Variants in SUPV3L1 observed in about 807,000 individuals in gnomAD.
The protein encoded by SUPV3L1 is ATP-dependent RNA helicase SUPV3L1, mitochondrial.
In SUPV3L1, 35 loss-of-function variants were observed where a neutral mutation model predicts 70.0. That is an observed-to-expected ratio of 0.50 (90% confidence interval 0.38 to 0.66). The LOEUF is 0.66. SUPV3L1 is among the 30% of genes least tolerant of loss of function. The pLI is 0.00. For missense variants in SUPV3L1, 777 were observed against 961.5 expected, an observed-to-expected ratio of 0.81 and a Z score of 2.54; for synonymous variants, 364 against 341.9, an observed-to-expected ratio of 1.06 and a Z score of -0.71.
rs766751112 is a variant in SUPV3L1, at chr10:69,199,204, A to G, written c.1298+7A>G. On this transcript the variant is annotated splice_region_variant and intron_variant, in intron 10 of 14. Coordinates refer to ENST00000359655, the MANE Select transcript of SUPV3L1 (RefSeq NM_003171.5). Reference sequence around the variant, plus strand: ...TTGGCATGGGACTTAATTTGTAAGTAATTTGTTTTTAATAAGATGAATATT... The same window carrying G: ...TTGGCATGGGACTTAATTTGTAAGTGATTTGTTTTTAATAAGATGAATATT... 3 of 1,601,494 alleles carry G rather than the reference A, an allele frequency of 1.9e-6. No individual in the cohort carries two copies. The South Asian group carries it at 3.4e-5, about 18-fold the overall frequency.
chr10:69,191,232 A>ATTTTT (rs11434528), intron 5 of SUPV3L1, among the ~76,000 whole-genome samples: 5 of 130,162 alleles, frequency 3.8e-5, no homozygotes, highest in East Asian at 2.2e-4. Flanking sequence ...AGCATTGGGA[A>ATTTTT]TTTTTTTTTT....
intron 9 of SUPV3L1, 128 bp from the exon 10 acceptor site, chr10:69,198,976 G>C: frequency 1.5e-6 from 1 of 686,868 alleles, no homozygotes; most frequent in Non-Finnish European, 2.4e-6. Flanking sequence ...AAGAAATAAA[G>C]TTTGAAACAG....
At chr10:69,198,936 G>A (rs1289771333) in intron 9 of SUPV3L1, among the ~76,000 whole-genome samples, 168 bp from the exon 10 acceptor site, 1 of 152,140 alleles carries the variant, frequency 6.6e-6, no homozygotes, top group African/African-American at 2.4e-5. Context: ...AGGAATGGAT[G>A]TAAAGGATAA....
chr10:69,203,075 C>A, intron 13 of SUPV3L1, 32 bp downstream of exon 13: 2 of 1,570,792 alleles, frequency 1.3e-6, no homozygotes, highest in South Asian at 1.2e-5. Context: ...ATTTTGAGTT[C>A]CTTCTGGTTG....
In SUPV3L1 at chr10:69,180,750, A is replaced by G. The variant is rs557054952; in HGVS notation, c.271+188A>G. Among the ~76,000 whole-genome samples the G allele has an allele frequency of 2.4e-4, 37 of 152,306 alleles. 2 individuals are homozygous for G. The highest frequency in any genetic ancestry group is 8.4e-4 in the African/African-American group (35 of 41,580). On this transcript the variant is annotated intron_variant, in intron 1 of 14. Transcript: ENST00000359655. The stretch of plus-strand genomic sequence containing the variant: ...AACGGCTTAGGACTGTATCTGATTA[A>G]TTCTTAACGCCTCGTCCCAGAAGCG...
intron 7 of SUPV3L1, 111 bp downstream of exon 7, chr10:69,195,376 T>G: frequency 1.6e-6 from 1 of 638,520 alleles, no homozygotes; most frequent in Non-Finnish European, 2.4e-6. Context: ...CCTTTCTTTT[T>G]GACACAAAAA....
chr10:69,197,137 C>A, intron 8 of SUPV3L1, 54 bp downstream of exon 8: 1 of 1,495,354 alleles, frequency 6.7e-7, no homozygotes, highest in Non-Finnish European at 9.3e-7. Flanking sequence ...GTCCAGAGTA[C>A]CTAGGCAGTG....
chr10:69,192,041 A>G (rs576549531), intron 6 of SUPV3L1: 9 of 207,718 alleles, frequency 4.3e-5, no homozygotes, highest in South Asian at 4.0e-4. Context: ...TCCCGACCTC[A>G]GGTGATCTGC....
Position 69,202,926 on chromosome 10 carries a change from T to C in SUPV3L1, c.1659T>C (p.Asp553=), listed in dbSNP as rs147414585. 2.1e-5 allele frequency: 34 copies of C among 1,614,152 alleles called. No individual in the cohort carries two copies. In the East Asian group the frequency reaches 7.6e-4, roughly 36 times the overall value. Reference sequence around the variant, plus strand: ...AGTATTTTGTCTGCAATATGGATGATTTTAAATTTTCTGCAGAGTTGATCC... The same window carrying C: ...AGTATTTTGTCTGCAATATGGATGACTTTAAATTTTCTGCAGAGTTGATCC... ...DGQYFVCNMD[D]FKFSAELIQH... Residue 553 remains aspartate (D), a synonymous_variant, in exon 13 of 15, where the codon GAT becomes GAC. Coordinates refer to ENST00000359655, the MANE Select transcript of SUPV3L1 (RefSeq NM_003171.5).
At chr10:69,182,265 G>T (rs1276333350) in intron 1 of SUPV3L1, among the ~76,000 whole-genome samples, 1 of 152,088 alleles carries the variant, frequency 6.6e-6, no homozygotes, top group Non-Finnish European at 1.5e-5. Context: ...AAAGCCCTGA[G>T]ATTACAGACC....
chr10:69,186,666 C>A (rs2132270668), intron 3 of SUPV3L1, 116 bp downstream of exon 3: 1 of 797,030 alleles, frequency 1.3e-6, no homozygotes, highest in Non-Finnish European at 2.0e-6. Flanking sequence ...TGGTAACATC[C>A]TCTGTAAATA....
Position 69,191,637 on chromosome 10 carries a change from T to G in SUPV3L1, c.742-18T>G. ...TGCATTATTTTCAATAATTCTAGTT[T>G]TTTTTCTGTCTTTCTAGGGTGTGCC... On this transcript the variant is annotated intron_variant, in intron 5 of 14. Coordinates refer to ENST00000359655, the MANE Select transcript of SUPV3L1 (RefSeq NM_003171.5). The G allele has an allele frequency of 6.2e-7, 1 of 1,607,532 alleles. No individual in the cohort carries two copies. Among genetic ancestry groups the G allele is most frequent in the South Asian group, 1.1e-5 (1 of 90,782 alleles).
At position 69,184,807 on chromosome 10, in the gene SUPV3L1, T is replaced by C. The variant is rs990903099; in HGVS notation, c.272-1180T>C. ...GTGTTGGACTGTGTGAAAATGTGGT[T>C]GGCACATTTGTGAAAGGTAAAAATA... On this transcript the variant is annotated intron_variant, in intron 1 of 14. Coordinates refer to ENST00000359655, the MANE Select transcript of SUPV3L1 (RefSeq NM_003171.5). 2.0e-5 allele frequency among the ~76,000 whole-genome samples: 3 copies of C among 152,210 alleles called. No homozygotes were observed. The South Asian group carries it at 6.2e-4, about 32-fold the overall frequency.
chr10:69,191,809 A>ATTT, intron 6 of SUPV3L1, 43 bp downstream of exon 6: 54 of 1,173,362 alleles, frequency 4.6e-5, no homozygotes, highest in Non-Finnish European at 5.1e-5. Flanking sequence ...GGTATTTTTA[A>ATTT]TTTTTTTTTT....
intron 8 of SUPV3L1, among the ~76,000 whole-genome samples, chr10:69,198,111 G>A (rs988456503): frequency 2.6e-5 from 4 of 152,090 alleles, no homozygotes; most frequent in African/African-American, 4.8e-5. Flanking sequence ...ACACATTGCC[G>A]TGAAAATGAA....
At chr10:69,192,650 G>T (rs1027814787) in intron 6 of SUPV3L1, 2 of 152,124 alleles carry the variant, frequency 1.3e-5, no homozygotes, top group African/African-American at 4.8e-5. Flanking sequence ...GGATATTTAG[G>T]TTGTTTAAAG....
intron 1 of SUPV3L1, 92 bp downstream of exon 1, chr10:69,180,654 CCGAGGTCCCAT>C: frequency 2.0e-6 from 3 of 1,502,286 alleles, no homozygotes; most frequent in Non-Finnish European, 2.7e-6. Flanking sequence ...CCCTGGGGAT[CCGAGGTCCCAT>C]CGAGTGTTGT....
At position 69,180,460 on chromosome 10, in the gene SUPV3L1, A is replaced by G; in HGVS notation, c.169A>G (p.Lys57Glu). ...CTCCTCCTCTGCCTCCGGTGGCTCCAAAATACCAAACACGTCCTTGTTCGT... is the reference window on the plus strand; with the variant it reads ...CTCCTCCTCTGCCTCCGGTGGCTCCGAAATACCAAACACGTCCTTGTTCGT... ...TASSSASGGS[K>E]IPNTSLFVPL... is the part of the protein sequence containing the mutation. Residue 57 changes from lysine (K) to glutamate (E), a missense_variant, in exon 1 of 15, where the codon AAA becomes GAA. Coordinates refer to ENST00000359655, the MANE Select transcript of SUPV3L1 (RefSeq NM_003171.5). 1.2e-6 allele frequency: 2 copies of G among 1,614,220 alleles called. No homozygotes were observed. The highest frequency in any genetic ancestry group is 1.1e-5 in the South Asian group (1 of 91,082).
At chr10:69,207,494 T>C (rs1270545304) in intron 13 of SUPV3L1, among the ~76,000 whole-genome samples, 1 of 152,090 alleles carries the variant, frequency 6.6e-6, no homozygotes, top group African/African-American at 2.4e-5. Context: ...CTTTGTGTTT[T>C]TTGTATGGAT....
Sources: allele counts gnomAD v4.1 joint callset (sites outside exome capture counted in the v4.1 genomes callset), GRCh38; gene constraint gnomAD v4.1.1; transcripts MANE v1.5; gene names NCBI Gene and HGNC (gene_info 2026-07-23, HGNC 2026-07-21).